PUS7L: variants seen among roughly 807,000 people sequenced by gnomAD.
PUS7L encodes pseudouridylate synthase PUS7L.
In PUS7L, 49 loss-of-function variants were observed where a neutral mutation model predicts 51.1. The observed-to-expected ratio is 0.96, with a 90% CI of 0.76 to 1.22. The LOEUF (loss-of-function observed/expected upper bound fraction) is 1.22. PUS7L is among the 50% of genes most tolerant of loss of function. The pLI, the probability that PUS7L is intolerant of heterozygous loss-of-function variation, is 0.00. For missense variants in PUS7L, 828 were observed against 820.6 expected (o/e 1.01, Z -0.11); for synonymous variants, 277 against 276.2 (o/e 1.00, Z -0.03).
At position 43,754,955 on chromosome 12, in the gene PUS7L, A is replaced by C. The variant is rs767452350; in HGVS notation, c.291T>G (p.Gly97=). ...CTGAACCAGACTGATGATTTTGGTCACCATCAGTGTACTTAATCAAAGTAT... is the reference window on the plus strand; with the variant it reads ...CTGAACCAGACTGATGATTTTGGTCCCCATCAGTGTACTTAATCAAAGTAT... The part of the protein sequence containing the change: ...EVHTLIKYTD[G]DQNHQSGSEK... Residue 97 remains glycine, a synonymous_variant, in exon 2 of 9, where the codon GGT becomes GGG. Transcript: ENST00000344862. The C allele has an allele frequency of 6.2e-7, 1 of 1,613,924 alleles. No homozygotes were observed. Among genetic ancestry groups the C allele is most frequent in the South Asian group, 1.1e-5 (1 of 91,072 alleles).
At position 43,754,966 on chromosome 12, in the gene PUS7L, A is replaced by T; in HGVS notation, c.280T>A (p.Tyr94Asn). ...TGATGATTTTGGTCACCATCAGTGT[A>T]CTTAATCAAAGTATGAACTTCTTGG... ...RNQEVHTLIK[Y>N]TDGDQNHQSG... Residue 94 changes from tyrosine (Y) to asparagine (N), a missense_variant, in exon 2 of 9, where the codon TAC becomes AAC. Physicochemically the swap from Tyr to Asn is moderately radical, Grantham distance 143. Transcript: ENST00000344862. 1 of 1,613,752 alleles carries T rather than the reference A, an allele frequency of 6.2e-7. No homozygotes were observed. The highest frequency in any genetic ancestry group is 8.5e-7 in the Non-Finnish European group (1 of 1,179,782).
Position 43,736,474 on chromosome 12 carries a change from A to G in PUS7L, c.1632T>C (p.Ser544=), listed in dbSNP as rs1419216932. Residue 544 remains serine, a synonymous_variant, in exon 7 of 9, where the codon TCT becomes TCC. Coordinates refer to ENST00000344862, the MANE Select transcript of PUS7L (RefSeq NM_031292.5). The part of the protein sequence containing the change: ...YTSKIWNEAV[S]YRLETYGARV... ...TTGCTCCATAGGTTTCAAGTCTGTA[A>G]GATACTGCCTCATTCCAAATTTTGC... 7 of 1,614,070 alleles carry G rather than the reference A, an allele frequency of 4.3e-6. No individual in the cohort carries two copies. The highest frequency in any genetic ancestry group is 5.9e-6 in the Non-Finnish European group (7 of 1,180,022).
intron 2 of PUS7L, 118 bp downstream of exon 2, chr12:43,754,218 C>T: frequency 1.5e-6 from 1 of 666,218 alleles, no homozygotes; most frequent in South Asian, 2.7e-5. Flanking sequence ...ATTCCTCTCC[C>T]TAAAGGTAAA....
At chr12:43,748,880 C>G (rs534772817) in intron 2 of PUS7L, among the ~76,000 whole-genome samples, 2 of 152,048 alleles carry the variant, frequency 1.3e-5, no homozygotes, top group Admixed American at 6.6e-5. Context: ...CACACCACCA[C>G]GCCCAGCTAA....
chr12:43,723,145 C>T lies in PUS7L; in HGVS notation c.*7231G>A, dbSNP rs1944416560. On this transcript the variant is annotated 3_prime_UTR_variant, in exon 9 of 9. Transcript: ENST00000344862. Reference sequence around the variant, plus strand: ...TTTCATGGCTATTCTGACTTCTTTCCATAGTAAAATTTTTCTTTTGTAAGA... The same window carrying T: ...TTTCATGGCTATTCTGACTTCTTTCTATAGTAAAATTTTTCTTTTGTAAGA... The T allele has an allele frequency of 6.6e-6, 1 of 151,970 alleles. No homozygotes were observed. Among genetic ancestry groups the T allele is most frequent in the Non-Finnish European group, 1.5e-5 (1 of 67,934 alleles). The allele number at this position is 151,970 out of a possible 1,614,324, so 9.4% of individuals were successfully genotyped here. A position where few individuals can be genotyped will look rare whatever the true frequency, so the allele number is the denominator to read the frequency against.
Position 43,720,540 on chromosome 12 carries a change from T to C in PUS7L, c.*9836A>G, listed in dbSNP as rs1032346427. On this transcript the variant is annotated 3_prime_UTR_variant, in exon 9 of 9. Coordinates refer to ENST00000344862, the MANE Select transcript of PUS7L (RefSeq NM_031292.5). ...ATATATAGAGATTTTCCTGTTATCT[T>C]TTTGTTGTTCATTTCTAGCCTAATT... is the stretch of plus-strand genomic sequence containing the variant. The C allele has an allele frequency of 6.6e-6, 1 of 152,190 alleles. No homozygotes were observed. Among genetic ancestry groups the C allele is most frequent in the African/African-American group, 2.4e-5 (1 of 41,456 alleles). The allele number at this position is 152,190 out of a possible 1,614,324, so 9.4% of individuals were successfully genotyped here. A position where few individuals can be genotyped will look rare whatever the true frequency, so the allele number is the denominator to read the frequency against.
At position 43,722,761 on chromosome 12, in the gene PUS7L, G is replaced by C. The variant is rs1944412160; in HGVS notation, c.*7615C>G. ...GGGGAGGCATTGGAAACAATGATCA[G>C]CTCAGATTAAAACCCTATTGTACTG... is the stretch of plus-strand genomic sequence containing the variant. On this transcript the variant is annotated 3_prime_UTR_variant, in exon 9 of 9. Transcript: ENST00000344862. The C allele has an allele frequency of 6.6e-6, 1 of 152,074 alleles. No homozygotes were observed. The highest frequency in any genetic ancestry group is 1.5e-5 in the Non-Finnish European group (1 of 67,966). 9.4% of individuals were successfully genotyped at this position (152,074 alleles called of 1,614,324 possible). A position where few individuals can be genotyped will look rare whatever the true frequency, so the allele number is the denominator to read the frequency against.
At position 43,723,988 on chromosome 12, in the gene PUS7L, A is replaced by C. The variant is rs1035523438; in HGVS notation, c.*6388T>G. The C allele has an allele frequency of 6.6e-6, 1 of 152,080 alleles. No individual in the cohort carries two copies. Among genetic ancestry groups the C allele is most frequent in the Admixed American group, 6.5e-5 (1 of 15,276 alleles). 9.4% of individuals were successfully genotyped at this position (152,080 alleles called of 1,614,324 possible). On this transcript the variant is annotated 3_prime_UTR_variant, in exon 9 of 9. Transcript: ENST00000344862. ...CCTCTTTGATCTTTATGCAATCTTCAGTGTTTTTAACCGCAAAATAATACA... is the reference window on the plus strand; with the variant it reads ...CCTCTTTGATCTTTATGCAATCTTCCGTGTTTTTAACCGCAAAATAATACA...
chr12:43,747,067 A>C (rs1174396852), intron 3 of PUS7L, among the ~76,000 whole-genome samples: 1 of 152,228 alleles, frequency 6.6e-6, no homozygotes, highest in African/African-American at 2.4e-5. Flanking sequence ...AGAAGAGTCT[A>C]CTTGCACATA....
intron 6 of PUS7L, chr12:43,737,903 C>T (rs898626073): frequency 5.7e-6 from 1 of 174,672 alleles, no homozygotes; most frequent in Non-Finnish European, 1.2e-5. Flanking sequence ...ATTGACAGGG[C>T]TAATTGGCAG....
intron 3 of PUS7L, among the ~76,000 whole-genome samples, chr12:43,747,956 T>G (rs1046598165): frequency 6.6e-6 from 1 of 151,874 alleles, no homozygotes; most frequent in Non-Finnish European, 1.5e-5. Context: ...TCCAGCTAAT[T>G]TTTTATATTT....
rs566297350 is a variant in PUS7L at position 43,742,386 on chromosome 12, G to T, written c.1362+71C>A. 1.5e-5 allele frequency: 16 copies of T among 1,039,386 alleles called. No individual in the cohort carries two copies. In the Admixed American group the frequency reaches 2.7e-4, roughly 17 times the overall value. 64.4% of individuals were successfully genotyped at this position (1,039,386 alleles called of 1,614,324 possible). ...GCATTTATATGCTAGAGTTAAGAAA[G>T]CAAGGAGCTGGGTTATGTAGTAAGT... On this transcript the variant is annotated intron_variant, in intron 5 of 8. Coordinates refer to ENST00000344862, the MANE Select transcript of PUS7L (RefSeq NM_031292.5).
intron 4 of PUS7L, among the ~76,000 whole-genome samples, chr12:43,743,863 C>A (rs980799411): frequency 6.6e-6 from 1 of 152,044 alleles, no homozygotes. Context: ...CATAAGATGA[C>A]GTCCTAGAGT....
At chr12:43,734,284 C>A (rs1334546438) in intron 7 of PUS7L, among the ~76,000 whole-genome samples, 1 of 152,114 alleles carries the variant, frequency 6.6e-6, no homozygotes, top group African/African-American at 2.4e-5. Flanking sequence ...GAGAAATAAG[C>A]CTAGAGTCGT....
intron 4 of PUS7L, among the ~76,000 whole-genome samples, chr12:43,744,197 G>A (rs1400400375): frequency 6.6e-6 from 1 of 152,212 alleles, no homozygotes; most frequent in East Asian, 1.9e-4. Flanking sequence ...AGAATTTTAG[G>A]TGGGTCAAGG....
At chr12:43,758,677 A>G in intron 1 of PUS7L, 53 bp downstream of exon 1, 5 of 370,070 alleles carry the variant, frequency 1.4e-5, no homozygotes, top group Non-Finnish European at 1.6e-5. Context: ...ACACACACAC[A>G]CACACACACA....
chr12:43,746,905 TTAAAG>T (rs542265879), intron 3 of PUS7L, among the ~76,000 whole-genome samples: 36 of 152,324 alleles, frequency 2.4e-4, no homozygotes, highest in South Asian at 8.3e-4. Flanking sequence ...ATAAGCTAAA[TTAAAG>T]TAATCTCTCT....
Position 43,726,970 on chromosome 12 carries a change from C to G in PUS7L, c.*3406G>C, listed in dbSNP as rs1944463128. ...GTATGCATGAACAAAGGTCTGATAT[C>G]CAGAATCTATGAAGAACTTAACAAG... is the stretch of plus-strand genomic sequence containing the variant. On this transcript the variant is annotated 3_prime_UTR_variant, in exon 9 of 9. Coordinates refer to ENST00000344862, the MANE Select transcript of PUS7L (RefSeq NM_031292.5). 2 of 152,070 alleles carry G rather than the reference C, an allele frequency of 1.3e-5. No homozygotes were observed. Among genetic ancestry groups the G allele is most frequent in the Admixed American group, 1.3e-4 (2 of 15,258 alleles). 9.4% of individuals were successfully genotyped at this position (152,070 alleles called of 1,614,324 possible).
At chr12:43,747,734 T>C (rs1046524186) in intron 3 of PUS7L, among the ~76,000 whole-genome samples, 1 of 152,212 alleles carries the variant, frequency 6.6e-6, no homozygotes, top group Non-Finnish European at 1.5e-5. Flanking sequence ...TTGTGTGATG[T>C]AGTCTCTGAA....
Sources: allele counts gnomAD v4.1 joint callset (sites outside exome capture counted in the v4.1 genomes callset), GRCh38; gene constraint gnomAD v4.1.1; transcripts MANE v1.5; gene names NCBI Gene and HGNC (gene_info 2026-07-23, HGNC 2026-07-21).